Variants in NUP188 observed in about 807,000 individuals in gnomAD.
The protein encoded by NUP188 is nucleoporin 188, also known as nucleoporin NUP188.
A neutral mutation model predicts 223.0 loss-of-function variants in NUP188; 97 were observed. The ratio of observed to expected loss-of-function variants is 0.43; its 90% CI spans 0.37 to 0.51. The LOEUF (loss-of-function observed/expected upper bound fraction) is 0.51. Among genes scored for constraint, NUP188 ranks in the 20% least tolerant of loss-of-function variants. The probability of loss-of-function intolerance (pLI) is 0.00; values close to 1 mark genes in which losing one functional copy is unlikely to be tolerated. For synonymous variants in NUP188, 869 were observed against 828.0 expected, an observed-to-expected ratio of 1.05 and a Z score of -0.85; for missense variants, 1,947 against 2,175.6, an observed-to-expected ratio of 0.89 and a Z score of 2.09.
chr9:129,001,573 A>T lies in NUP188; in HGVS notation c.3888A>T (p.Val1296=), dbSNP rs1323274799. The change falls in exon 35 of 44, where the codon GTA becomes GTT. Residue 1296 remains valine, a synonymous_variant. Coordinates refer to ENST00000372577, the MANE Select transcript of NUP188 (RefSeq NM_015354.3). The part of the protein sequence containing the change: ...GLHLAKELCE[V]DEDGDSWLQV... ...ACCTGGCCAAGGAGCTGTGTGAGGTAGACGAGGATGGTGACTCCTGGCTGC... is the reference window on the plus strand; with the variant it reads ...ACCTGGCCAAGGAGCTGTGTGAGGTTGACGAGGATGGTGACTCCTGGCTGC... 1.3e-5 allele frequency: 21 copies of T among 1,613,908 alleles called. No individual in the cohort carries two copies. The highest frequency in any genetic ancestry group is 1.8e-5 in the Non-Finnish European group (21 of 1,180,010).
intron 3 of NUP188, among the ~76,000 whole-genome samples, chr9:128,953,307 G>T (rs563023496): frequency 1.3e-5 from 2 of 152,258 alleles, no homozygotes; most frequent in East Asian, 3.9e-4. Context: ...TATTCTTTGG[G>T]TGAATATATA....
chr9:128,968,393 CT>C lies in NUP188; in HGVS notation c.586-112del. The stretch of plus-strand genomic sequence containing the variant: ...CAGTTTGAGCAGCCATAATCTGCCA[CT>C]GCACTGTATCCTGGGTGACAGATTG... On this transcript the variant is annotated intron_variant, in intron 8 of 43. Coordinates refer to ENST00000372577, the MANE Select transcript of NUP188 (RefSeq NM_015354.3). The C allele has an allele frequency of 3.9e-6, 3 of 768,466 alleles. No homozygotes were observed. In the South Asian group the frequency reaches 5.3e-5, roughly 14 times the overall value. The allele number at this position is 768,466 out of a possible 1,614,324, so 47.6% of individuals were successfully genotyped here.
At chr9:129,006,213 T>G in intron 42 of NUP188, 26 bp from the exon 43 acceptor site, 1 of 1,614,092 alleles carries the variant, frequency 6.2e-7, no homozygotes, top group Non-Finnish European at 8.5e-7. Context: ...TCTGCAGCAG[T>G]ACCAAAAACC....
At chr9:129,001,425 T>G in intron 34 of NUP188, 104 bp from the exon 35 acceptor site, 1 of 942,376 alleles carries the variant, frequency 1.1e-6, no homozygotes, top group Admixed American at 1.8e-5. Flanking sequence ...CTTAGCAATG[T>G]GTGTAACCAA....
intron 34 of NUP188, among the ~76,000 whole-genome samples, chr9:129,000,278 T>G (rs1842617808): frequency 6.6e-6 from 1 of 152,058 alleles, no homozygotes; most frequent in East Asian, 1.9e-4. Flanking sequence ...TTGAATAGTA[T>G]TTTTCAAATT....
Position 129,001,487 on chromosome 9 carries a change from CTCT to C in NUP188, c.3844-33_3844-31del, listed in dbSNP as rs577167465. On this transcript the variant is annotated intron_variant, in intron 34 of 43. Transcript: ENST00000372577. The stretch of plus-strand genomic sequence containing the variant: ...GCTGCCTGTCGTCCTCTTCCTCCTC[CTCT>C]TCTTCTTCCCCCTTTTACTCATCTT... 4.2e-4 allele frequency: 671 copies of C among 1,590,338 alleles called. 4 individuals carry two copies. The African/African-American group carries it at 7.1e-3, about 17-fold the overall frequency.
chr9:128,983,754 C>T (rs1219217343), intron 19 of NUP188, among the ~76,000 whole-genome samples: 4 of 152,012 alleles, frequency 2.6e-5, no homozygotes, highest in South Asian at 4.1e-4. Context: ...TTCAGCCTCC[C>T]GAGTAGCTGG....
At chr9:129,003,704 A>T in intron 38 of NUP188, 1 of 571,548 alleles carries the variant, frequency 1.7e-6, no homozygotes. Flanking sequence ...CCTTAAGAAT[A>T]CACTTGGGGC....
At chr9:129,001,775 G>C in intron 35 of NUP188, 46 bp downstream of exon 35, 4 of 1,604,462 alleles carry the variant, frequency 2.5e-6, no homozygotes, top group Non-Finnish European at 1.7e-6. Flanking sequence ...TTGCTTGCCT[G>C]GGTGGGTTCT....
chr9:128,948,042 C>T lies in NUP188; in HGVS notation c.32+291C>T, dbSNP rs368800737. The T allele has an allele frequency of 4.0e-5, 13 of 326,596 alleles. No homozygotes were observed. The South Asian group carries it at 7.7e-4, about 19-fold the overall frequency. 20.2% of individuals were successfully genotyped at this position (326,596 alleles called of 1,614,324 possible). A position where few individuals can be genotyped will look rare whatever the true frequency, so the allele number is the denominator to read the frequency against. On this transcript the variant is annotated intron_variant, in intron 1 of 43. Transcript: ENST00000372577. ...TCCTCCTCTCTCACCTCCGACGCGTCTCTTGGCGCCCCACCCGCGCTTCCT... is the reference window on the plus strand; with the variant it reads ...TCCTCCTCTCTCACCTCCGACGCGTTTCTTGGCGCCCCACCCGCGCTTCCT...
intron 8 of NUP188, among the ~76,000 whole-genome samples, chr9:128,968,293 G>A (rs895349888): frequency 3.3e-5 from 5 of 151,980 alleles, no homozygotes; most frequent in Admixed American, 2.6e-4. Context: ...AATTAAATAC[G>A]GACCAGGTGC....
At position 128,979,155 on chromosome 9, in the gene NUP188, T is replaced by C. The variant is rs76551117; in HGVS notation, c.1204-107T>C. 5.2e-3 allele frequency: 3,802 copies of C among 736,884 alleles called. 129 individuals carry two copies. In the East Asian group the frequency reaches 0.06, roughly 12 times the overall value. 45.6% of individuals were successfully genotyped at this position (736,884 alleles called of 1,614,324 possible). A position where few individuals can be genotyped will look rare whatever the true frequency, so the allele number is the denominator to read the frequency against. On this transcript the variant is annotated intron_variant, in intron 12 of 43. Transcript: ENST00000372577. Reference sequence around the variant, plus strand: ...CTGGATTGAAGTGGTCTTCCCACTTTAGTGTTTATTGGTGTTTTGGTGTTT... The same window carrying C: ...CTGGATTGAAGTGGTCTTCCCACTTCAGTGTTTATTGGTGTTTTGGTGTTT...
rs150075006 is a variant in NUP188 at position 128,970,725 on chromosome 9, C to T, written c.913-33C>T. On this transcript the variant is annotated intron_variant, in intron 10 of 43. Transcript: ENST00000372577. ...TCGAGGGATATTAACACTTTCTGTTCGGAGATGTAGATGTGTTTTCTTCTC... is the reference window on the plus strand; with the variant it reads ...TCGAGGGATATTAACACTTTCTGTTTGGAGATGTAGATGTGTTTTCTTCTC... 749 of 1,578,770 alleles carry T rather than the reference C, an allele frequency of 4.7e-4. 6 individuals are homozygous for T. The African/African-American group carries it at 8.7e-3, about 18-fold the overall frequency.
intron 1 of NUP188, 67 bp downstream of exon 1, chr9:128,947,818 G>A: frequency 7.6e-7 from 1 of 1,314,386 alleles, no homozygotes; most frequent in Non-Finnish European, 9.8e-7. Flanking sequence ...CGGAAGCGGG[G>A]CGGGAATTGG....
At chr9:128,990,040 G>T (rs1453379339) in intron 24 of NUP188, 80 bp from the exon 25 acceptor site, 2 of 1,068,012 alleles carry the variant, frequency 1.9e-6, no homozygotes, top group Non-Finnish European at 2.9e-6. Flanking sequence ...ACACACTGTG[G>T]GTCTTTTTTG....
intron 8 of NUP188, among the ~76,000 whole-genome samples, chr9:128,961,826 GGT>G (rs1362044641): frequency 6.6e-6 from 1 of 151,766 alleles, no homozygotes; most frequent in Non-Finnish European, 1.5e-5. Context: ...TCTCCATGTT[GGT>G]CAGGCTGGTC....
chr9:129,002,699 G>T (rs925343074), intron 36 of NUP188, 118 bp from the exon 37 acceptor site: 130 of 1,084,224 alleles, frequency 1.2e-4, no homozygotes, highest in Non-Finnish European at 1.5e-4. Flanking sequence ...GACAGTGGCT[G>T]TGTCTATTCT....
intron 1 of NUP188, chr9:128,948,615 A>T (rs1265636605): frequency 6.8e-6 from 1 of 147,942 alleles, no homozygotes; most frequent in African/African-American, 2.5e-5. Flanking sequence ...TGTCTTCCAC[A>T]TTGCAGCTCG....
intron 31 of NUP188, 138 bp from the exon 32 acceptor site, chr9:128,998,400 C>A: frequency 3.0e-6 from 3 of 983,820 alleles, no homozygotes; most frequent in Non-Finnish European, 4.8e-6. Context: ...TGCTGCCATG[C>A]CAACCCTGGC....
Sources: gnomAD v4.1 joint callset for allele counts (sites outside exome capture counted in the v4.1 genomes callset) on GRCh38, gnomAD v4.1.1 for gene constraint, MANE v1.5 for transcripts, NCBI Gene and HGNC (gene_info 2026-07-23, HGNC 2026-07-21) for gene names.